Variants in ARHGAP26 observed in about 807,000 individuals in gnomAD.
The protein encoded by ARHGAP26 is rho GTPase-activating protein 26.
A neutral mutation model predicts 104.8 loss-of-function variants in ARHGAP26; 38 were observed. The ratio of observed to expected loss-of-function variants is 0.36; its 90% CI spans 0.28 to 0.48. The LOEUF is 0.48. ARHGAP26 is among the 20% of genes least tolerant of loss of function. The pLI is 0.99. For missense variants in ARHGAP26, 704 were observed against 947.9 expected, an observed-to-expected ratio of 0.74 and a Z score of 3.38; for synonymous variants, 341 against 340.0, an observed-to-expected ratio of 1.00 and a Z score of -0.03.
chr5:143,115,916 T>C (rs1417250627), intron 17 of ARHGAP26, among the ~76,000 whole-genome samples: 1 of 152,232 alleles, frequency 6.6e-6, no homozygotes, highest in East Asian at 1.9e-4. Context: ...ATTTGCACTT[T>C]ATACCTCTAT....
intron 1 of ARHGAP26, chr5:142,860,177 T>G (rs1006214118): frequency 6.6e-6 from 1 of 152,060 alleles, no homozygotes; most frequent in Admixed American, 6.6e-5. Flanking sequence ...AAAACACAAG[T>G]TCAAAGATAA....
At chr5:143,098,345 T>C (rs1320406962) in intron 17 of ARHGAP26, among the ~76,000 whole-genome samples, 1 of 152,206 alleles carries the variant, frequency 6.6e-6, no homozygotes, top group African/African-American at 2.4e-5. Flanking sequence ...GTAGGTGATT[T>C]TTTTAATTTT....
intron 12 of ARHGAP26, among the ~76,000 whole-genome samples, chr5:143,029,308 T>C (rs1447864719): frequency 6.6e-6 from 1 of 151,506 alleles, no homozygotes; most frequent in East Asian, 1.9e-4. Context: ...GGTGAGAACA[T>C]GCCCCTGAAG....
At chr5:142,985,955 C>T (rs245727) in intron 11 of ARHGAP26, among the ~76,000 whole-genome samples, 36,279 of 151,778 alleles carry the variant, frequency 0.24, 4,727 homozygotes, top group East Asian at 0.53. Flanking sequence ...TGAATAGTGC[C>T]GCAATAAACA....
At chr5:143,078,171 C>T (rs955564135) in intron 17 of ARHGAP26, among the ~76,000 whole-genome samples, 1 of 152,188 alleles carries the variant, frequency 6.6e-6, no homozygotes, top group African/African-American at 2.4e-5. Context: ...GTTACGCTAA[C>T]TCAATAAAAA....
At chr5:143,031,941 G>A (rs919421612) in intron 12 of ARHGAP26, among the ~76,000 whole-genome samples, 5 of 152,024 alleles carry the variant, frequency 3.3e-5, no homozygotes, top group African/African-American at 9.7e-5. Flanking sequence ...CCAGCCTCCC[G>A]GGGTTCATAT....
chr5:142,914,019 C>T (rs1339523320), intron 10 of ARHGAP26, among the ~76,000 whole-genome samples: 1 of 152,210 alleles, frequency 6.6e-6, no homozygotes, highest in Non-Finnish European at 1.5e-5. Context: ...GGAATGCTAG[C>T]ACCAAGATCC....
intron 6 of ARHGAP26, among the ~76,000 whole-genome samples, chr5:142,899,358 A>G (rs1236501665): frequency 2.0e-5 from 3 of 152,194 alleles, no homozygotes; most frequent in Non-Finnish European, 4.4e-5. Context: ...GGGCAATTAG[A>G]TTTTTGCTTT....
At chr5:143,063,175 T>C (rs1786986585) in intron 17 of ARHGAP26, among the ~76,000 whole-genome samples, 1 of 152,226 alleles carries the variant, frequency 6.6e-6, no homozygotes, top group South Asian at 2.1e-4. Flanking sequence ...ATCGGGCTTT[T>C]CCCTCACTGA....
Position 143,227,846 on chromosome 5 carries a change from GCTTA to G in ARHGAP26, c.*5403_*5406del. ...ACTTTTTTAGAAGGATAAATATTAT[GCTTA>G]CTGAGGAGAAAAAAAAAAGCGATCA... On this transcript the variant is annotated 3_prime_UTR_variant, in exon 23 of 23. Transcript: ENST00000645722. 1 of 221,210 alleles carries G rather than the reference GCTTA, an allele frequency of 4.5e-6. No individual in the cohort carries two copies. The highest frequency in any genetic ancestry group is 9.0e-6 in the Non-Finnish European group (1 of 110,720). 13.7% of individuals were successfully genotyped at this position (221,210 alleles called of 1,614,324 possible).
At chr5:142,943,250 C>T (rs143880412) in intron 11 of ARHGAP26, among the ~76,000 whole-genome samples, 16 of 152,362 alleles carry the variant, frequency 1.1e-4, no homozygotes, top group African/African-American at 3.4e-4. Flanking sequence ...GACTTCCTAT[C>T]TGAGACTGGT....
In ARHGAP26 at chr5:143,224,821, G is replaced by C. The variant is rs1811529629; in HGVS notation, c.*2375G>C. On this transcript the variant is annotated 3_prime_UTR_variant, in exon 23 of 23. Transcript: ENST00000645722. ...GAAGACTCCAGGAGGGGTATAGATT[G>C]TGCCGTCATAGCTTTACAGGTGGTT... 2 of 227,506 alleles carry C rather than the reference G, an allele frequency of 8.8e-6. No individual in the cohort carries two copies. The highest frequency in any genetic ancestry group is 1.7e-5 in the Non-Finnish European group (2 of 114,524). The allele number at this position is 227,506 out of a possible 1,614,324, so 14.1% of individuals were successfully genotyped here. A position where few individuals can be genotyped will look rare whatever the true frequency, so the allele number is the denominator to read the frequency against.
chr5:142,851,319 A>T (rs1253923496), intron 1 of ARHGAP26, among the ~76,000 whole-genome samples: 1 of 151,378 alleles, frequency 6.6e-6, no homozygotes, highest in Non-Finnish European at 1.5e-5. Context: ...CTGGTCTTGA[A>T]CTCCTGACCT....
At chr5:143,120,928 G>A in intron 17 of ARHGAP26, 60 bp from the exon 18 acceptor site, 1 of 1,524,702 alleles carries the variant, frequency 6.6e-7, no homozygotes, top group Non-Finnish European at 8.9e-7. Context: ...ATACAGGGTG[G>A]TTGGTATCTC....
At chr5:143,152,471 A>G (rs935844912) in intron 20 of ARHGAP26, among the ~76,000 whole-genome samples, 4 of 152,352 alleles carry the variant, frequency 2.6e-5, no homozygotes, top group African/African-American at 9.6e-5. Context: ...CACTAAACCT[A>G]TGTGAAACTT....
chr5:143,145,453 C>T (rs970334357), intron 19 of ARHGAP26, among the ~76,000 whole-genome samples: 11 of 152,146 alleles, frequency 7.2e-5, no homozygotes, highest in South Asian at 4.2e-4. Flanking sequence ...CATGGTCTTT[C>T]GGGCATCTTT....
At chr5:143,166,034 G>C in intron 20 of ARHGAP26, 1 of 1,321,838 alleles carries the variant, frequency 7.6e-7, no homozygotes, top group Non-Finnish European at 1.0e-6. Context: ...CAGGCACTGG[G>C]GATTTGGAAT....
intron 13 of ARHGAP26, among the ~76,000 whole-genome samples, chr5:143,037,896 C>A (rs1782885227): frequency 5.3e-5 from 8 of 152,178 alleles, no homozygotes; most frequent in Admixed American, 5.2e-4. Flanking sequence ...GGGGACCACC[C>A]AGGTAGAGAA....
chr5:143,112,099 C>G (rs1404929454), intron 17 of ARHGAP26, among the ~76,000 whole-genome samples: 1 of 152,158 alleles, frequency 6.6e-6, no homozygotes, highest in African/African-American at 2.4e-5. Flanking sequence ...TGGAGCTCTG[C>G]TAAGTAGGGG....
Sources: allele counts gnomAD v4.1 joint callset (sites outside exome capture counted in the v4.1 genomes callset), GRCh38; gene constraint gnomAD v4.1.1; transcripts MANE v1.5; gene names NCBI Gene and HGNC (gene_info 2026-07-23, HGNC 2026-07-21).